The following JRK variants were observed in gnomAD, a reference collection of about 807,000 sequenced individuals.
The protein encoded by JRK is jerky protein homolog.
For synonymous variants in JRK, 303 were observed against 218.1 expected, an observed-to-expected ratio of 1.39 and a Z score of -3.43; for missense variants, 720 against 509.2, an observed-to-expected ratio of 1.41 and a Z score of -3.98.
downstream of JRK, among the ~76,000 whole-genome samples, chr8:142,654,625 C>T (rs1249118465): frequency 9.0e-6 from 1 of 111,558 alleles, no homozygotes; most frequent in Non-Finnish European, 2.1e-5. Context: ...CACCTGACCT[C>T]CCTGGCTGGC....
In JRK at chr8:142,663,484, G is replaced by A. The variant is rs1846982312; in HGVS notation, c.*868C>T. The A allele has an allele frequency of 3.0e-6, 3 of 985,304 alleles. No individual in the cohort carries two copies. The highest frequency in any genetic ancestry group is 9.4e-5 in the South Asian group (2 of 21,294). The allele number at this position is 985,304 out of a possible 1,614,324, so 61.0% of individuals were successfully genotyped here. A position where few individuals can be genotyped will look rare whatever the true frequency, so the allele number is the denominator to read the frequency against. On this transcript the variant is annotated 3_prime_UTR_variant, in exon 2 of 2. Coordinates refer to ENST00000612905, the MANE Select transcript of JRK (RefSeq NM_003724.4). ...GCAAACCTAAGACTAATCTCTGAAT[G>A]TCTGATCAAGACGTATTCATGTAAA...
chr8:142,659,791 G>C lies in JRK; in HGVS notation c.*4561C>G, dbSNP rs1462352785. On this transcript the variant is annotated 3_prime_UTR_variant, in exon 2 of 2. Coordinates refer to ENST00000612905, the MANE Select transcript of JRK (RefSeq NM_003724.4). ...GTGAGCAGTGGAGAACGTGAGGCTG[G>C]TCATTAGGAGCAGGTAGCCCTGGGT... 5 of 985,564 alleles carry C rather than the reference G, an allele frequency of 5.1e-6. No homozygotes were observed. Among genetic ancestry groups the C allele is most frequent in the Non-Finnish European group, 4.8e-6 (4 of 830,022 alleles). The allele number at this position is 985,564 out of a possible 1,614,324, so 61.1% of individuals were successfully genotyped here.
rs142933331 is a variant in JRK at position 142,657,782 on chromosome 8, A to G, written c.*6570T>C. 1 of 152,396 alleles carries G rather than the reference A, an allele frequency of 6.6e-6. No homozygotes were observed. Among genetic ancestry groups the G allele is most frequent in the Non-Finnish European group, 1.5e-5 (1 of 68,040 alleles). The allele number at this position is 152,396 out of a possible 1,614,324, so 9.4% of individuals were successfully genotyped here. A position where few individuals can be genotyped will look rare whatever the true frequency, so the allele number is the denominator to read the frequency against. On this transcript the variant is annotated 3_prime_UTR_variant, in exon 2 of 2. Transcript: ENST00000612905. Reference sequence around the variant, plus strand: ...GGCCCCACCTTCAACACTGGGGATCAAATTTCCATATAAGATTAGAAAGGG... The same window carrying G: ...GGCCCCACCTTCAACACTGGGGATCGAATTTCCATATAAGATTAGAAAGGG...
At chr8:142,668,925 G>A (rs1554636721) in intron 1 of JRK, among the ~76,000 whole-genome samples, 1 of 151,680 alleles carries the variant, frequency 6.6e-6, no homozygotes, top group Non-Finnish European at 1.5e-5. Flanking sequence ...ACAAGCTACT[G>A]TGGGATTCCC....
chr8:142,651,685 CAAACAACA>C, the JRK span, among the ~76,000 whole-genome samples: 58 of 151,878 alleles, frequency 3.8e-4, no homozygotes, highest in African/African-American at 1.3e-3. Context: ...AAAACAGAAA[CAAACAACA>C]AAACAACAAA....
At chr8:142,648,989 C>T in the JRK span, among the ~76,000 whole-genome samples, 1 of 152,204 alleles carries the variant, frequency 6.6e-6, no homozygotes, top group Non-Finnish European at 1.5e-5. Flanking sequence ...CATTTTGGAG[C>T]TTTAAGATTT....
Position 142,664,399 on chromosome 8 carries a change from T to C in JRK, c.1660A>G (p.Thr554Ala), listed in dbSNP as rs1847016553. 1 of 1,596,426 alleles carries C rather than the reference T, an allele frequency of 6.3e-7. No homozygotes were observed. Residue 554 changes from threonine (T) to alanine (A), a missense_variant, in exon 2 of 2, where the codon ACA (threonine) becomes GCA (alanine). By Grantham distance (58) the Thr-to-Ala change is moderately conservative. Transcript: ENST00000612905. The part of the protein sequence containing the change: ...LQEGPGGCGA[T>A]AQSPLPCSST... Reference sequence around the variant, plus strand: ...GAGCAGGGCAAGGGAGACTGAGCTGTGGCCCCACAGCCACCAGGGCCCTCC... The same window carrying C: ...GAGCAGGGCAAGGGAGACTGAGCTGCGGCCCCACAGCCACCAGGGCCCTCC...
chr8:142,665,740 C>T lies in JRK; in HGVS notation c.319G>A (p.Val107Met), dbSNP rs782530496. 6.3e-5 allele frequency: 49 copies of T among 772,162 alleles called. No homozygotes were observed. The highest frequency in any genetic ancestry group is 2.2e-4 in the Middle Eastern group (1 of 4,458). 47.8% of individuals were successfully genotyped at this position (772,162 alleles called of 1,614,324 possible). ...TTCTCGATGAGCATGGGGCCTGACA[C>T]GGGGACGCCCTCGGAGCGCTTCCCC... ...FLGKRSEGVP[V>M]SGPMLIEKAK... The change falls in exon 2 of 2, where the codon GTG (valine) becomes ATG (methionine). Residue 107 changes from valine (V) to methionine (M), a missense_variant. Coordinates refer to ENST00000612905, the MANE Select transcript of JRK (RefSeq NM_003724.4).
chr8:142,665,807 G>T lies in JRK; in HGVS notation c.252C>A (p.Pro84=). The change falls in exon 2 of 2, where the codon CCC becomes CCA. Residue 84 remains proline (P), a synonymous_variant. Coordinates refer to ENST00000612905, the MANE Select transcript of JRK (RefSeq NM_003724.4). Reference sequence around the variant, plus strand: ...GGACGCGGTCCAGGTGCTCCAGCTTGGGCGTGTGCAGCGTGCGCCGCTGCT... The same window carrying T: ...GGACGCGGTCCAGGTGCTCCAGCTTTGGCGTGTGCAGCGTGCGCCGCTGCT... The part of the protein sequence containing the change: ...ALEQRRTLHT[P]KLEHLDRVLY... 1 of 778,924 alleles carries T rather than the reference G, an allele frequency of 1.3e-6. No individual in the cohort carries two copies. The highest frequency in any genetic ancestry group is 1.3e-5 in the South Asian group (1 of 74,400). 48.3% of individuals were successfully genotyped at this position (778,924 alleles called of 1,614,324 possible).
intron 1 of JRK, among the ~76,000 whole-genome samples, chr8:142,669,403 TGG>T: frequency 6.6e-6 from 1 of 151,898 alleles, no homozygotes; most frequent in South Asian, 2.1e-4. Context: ...CCCTCCACGC[TGG>T]GGGATCCTGG....
In JRK at chr8:142,659,740, G is replaced by C. The variant is rs1337710000; in HGVS notation, c.*4612C>G. On this transcript the variant is annotated 3_prime_UTR_variant, in exon 2 of 2. Coordinates refer to ENST00000612905, the MANE Select transcript of JRK (RefSeq NM_003724.4). ...TTTACAGTTGAGTGCACTGCTCAAG[G>C]TCATGCAGCTGGTGAACAGCAGGGA... 1.0e-6 allele frequency: 1 copy of C among 985,386 alleles called. No individual in the cohort carries two copies. Among genetic ancestry groups the C allele is most frequent in the East Asian group, 1.1e-4 (1 of 8,818 alleles). 61.0% of individuals were successfully genotyped at this position (985,386 alleles called of 1,614,324 possible). A position where few individuals can be genotyped will look rare whatever the true frequency, so the allele number is the denominator to read the frequency against.
the JRK span, among the ~76,000 whole-genome samples, chr8:142,650,667 G>A: frequency 4.6e-5 from 7 of 152,304 alleles, no homozygotes; most frequent in African/African-American, 1.7e-4. Flanking sequence ...ATCATCATGA[G>A]GGCTCCCCAG....
intron 1 of JRK, 53 bp from the exon 2 acceptor site, chr8:142,666,573 C>CCGAG: frequency 4.4e-6 from 1 of 225,342 alleles, no homozygotes; most frequent in South Asian, 7.5e-5. Flanking sequence ...CCAGGACACA[C>CCGAG]ATGGCGTCCT....
rs779564704 is a variant in JRK at position 142,661,465 on chromosome 8, G to T, written c.*2887C>A. ...CACCCCAAAGATGAAGGCAGTGGTGGAAAGAGGTTCTATTAGCAGGCTGGA... is the reference window on the plus strand; with the variant it reads ...CACCCCAAAGATGAAGGCAGTGGTGTAAAGAGGTTCTATTAGCAGGCTGGA... On this transcript the variant is annotated 3_prime_UTR_variant, in exon 2 of 2. Transcript: ENST00000612905. The T allele has an allele frequency of 2.2e-4, 217 of 985,450 alleles. No individual in the cohort carries two copies. The highest frequency in any genetic ancestry group is 2.5e-4 in the Non-Finnish European group (209 of 830,028). The allele number at this position is 985,450 out of a possible 1,614,324, so 61.0% of individuals were successfully genotyped here.
chr8:142,663,620 C>G lies in JRK; in HGVS notation c.*732G>C. Reference sequence around the variant, plus strand: ...ATCCGGGTGATGAGCAGGGCCTGGTCAGCCACTCCTACTTTCTTCCCAGAA... The same window carrying G: ...ATCCGGGTGATGAGCAGGGCCTGGTGAGCCACTCCTACTTTCTTCCCAGAA... On this transcript the variant is annotated 3_prime_UTR_variant, in exon 2 of 2. Transcript: ENST00000612905. The G allele has an allele frequency of 1.0e-6, 1 of 985,466 alleles. No homozygotes were observed. The allele number at this position is 985,466 out of a possible 1,614,324, so 61.0% of individuals were successfully genotyped here.
chr8:142,658,674 A>C lies in JRK; in HGVS notation c.*5678T>G. 1 of 1,133,306 alleles carries C rather than the reference A, an allele frequency of 8.8e-7. No homozygotes were observed. The allele number at this position is 1,133,306 out of a possible 1,614,324, so 70.2% of individuals were successfully genotyped here. ...CCCAAAGGCCCCACCTCCTAATACC[A>C]CCCTCCTGGGGGTCAGGGTTTCAAC... On this transcript the variant is annotated 3_prime_UTR_variant, in exon 2 of 2. Coordinates refer to ENST00000612905, the MANE Select transcript of JRK (RefSeq NM_003724.4).
the JRK span, among the ~76,000 whole-genome samples, chr8:142,647,270 TTTC>T: frequency 6.6e-6 from 1 of 152,074 alleles, no homozygotes; most frequent in Non-Finnish European, 1.5e-5. Flanking sequence ...TAAAATTTTT[TTTC>T]TTAATGAAAA....
At chr8:142,667,656 T>A (rs587677041) in intron 1 of JRK, among the ~76,000 whole-genome samples, 2 of 152,346 alleles carry the variant, frequency 1.3e-5, no homozygotes, top group African/African-American at 4.8e-5. Context: ...CTGGGCCAGC[T>A]GTGCACCCTA....
chr8:142,650,747 C>G, the JRK span, among the ~76,000 whole-genome samples: 1 of 152,198 alleles, frequency 6.6e-6, no homozygotes, highest in African/African-American at 2.4e-5. Flanking sequence ...ATGTCTTTAT[C>G]AGGAGCGTGA....
Sources: allele counts gnomAD v4.1 joint callset (sites outside exome capture counted in the v4.1 genomes callset), GRCh38; gene constraint gnomAD v4.1.1; transcripts MANE v1.5; gene names NCBI Gene and HGNC (gene_info 2026-07-23, HGNC 2026-07-21).